The following GPC5 variants were observed in gnomAD, a reference collection of about 807,000 sequenced individuals.
The protein encoded by GPC5 is glypican 5.
In GPC5, 47 loss-of-function variants were observed where a neutral mutation model predicts 53.9. The ratio of observed to expected loss-of-function variants is 0.87; its 90% CI spans 0.69 to 1.11. GPC5 has a LOEUF of 1.11. GPC5 is among the 50% of genes most tolerant of loss of function. The pLI is 0.00. For synonymous variants in GPC5, 286 were observed against 263.3 expected, an observed-to-expected ratio of 1.09 and a Z score of -0.84; for missense variants, 748 against 713.1, an observed-to-expected ratio of 1.05 and a Z score of -0.56.
At chr13:92,741,781 C>T (rs1196589519) in intron 7 of GPC5, among the ~76,000 whole-genome samples, 1 of 152,074 alleles carries the variant, frequency 6.6e-6, no homozygotes, top group Admixed American at 6.6e-5. Context: ...GTTCCCCTTC[C>T]TGTGTCCAAG....
At chr13:92,062,040 A>G (rs2041128389) in intron 6 of GPC5, among the ~76,000 whole-genome samples, 1 of 151,912 alleles carries the variant, frequency 6.6e-6, no homozygotes, top group African/African-American at 2.4e-5. Flanking sequence ...TTTTCTTGTT[A>G]AGAAAATATA....
intron 1 of GPC5, among the ~76,000 whole-genome samples, chr13:91,445,439 C>G (rs1290093615): frequency 6.6e-6 from 1 of 152,074 alleles, no homozygotes; most frequent in Admixed American, 6.6e-5. Context: ...TTGTGCTACT[C>G]AGAACAGCAA....
chr13:91,591,981 AG>A (rs2032817012), intron 2 of GPC5, among the ~76,000 whole-genome samples: 1 of 152,186 alleles, frequency 6.6e-6, no homozygotes, highest in African/African-American at 2.4e-5. Flanking sequence ...CTGGAGAGCT[AG>A]TGGACTTCTT....
chr13:92,154,251 C>A (rs2041927458), intron 7 of GPC5, among the ~76,000 whole-genome samples: 1 of 152,146 alleles, frequency 6.6e-6, no homozygotes, highest in Non-Finnish European at 1.5e-5. Context: ...CATGAGGAAT[C>A]CTTCCCCATG....
chr13:92,074,404 T>C (rs7322610), intron 6 of GPC5, among the ~76,000 whole-genome samples: 78,828 of 151,994 alleles, frequency 0.52, 20,827 homozygotes, highest in East Asian at 0.79. Context: ...CGTGAATTGA[T>C]AGAGATACAG....
rs535148958 is a variant in GPC5 at position 91,944,912 on chromosome 13, C to T, written c.1401+36855C>T. On this transcript the variant is annotated intron_variant, in intron 6 of 7. Coordinates refer to ENST00000377067, the MANE Select transcript of GPC5 (RefSeq NM_004466.6). Reference sequence around the variant, plus strand: ...CCCCATTTTCTGGTGTTAACTTTTGCTATGGAAAACTCTGAGGCCAAAATG... The same window carrying T: ...CCCCATTTTCTGGTGTTAACTTTTGTTATGGAAAACTCTGAGGCCAAAATG... 2.0e-5 allele frequency among the ~76,000 whole-genome samples: 3 copies of T among 152,202 alleles called. No homozygotes were observed. In the South Asian group the frequency reaches 6.2e-4, roughly 32 times the overall value.
intron 6 of GPC5, among the ~76,000 whole-genome samples, chr13:91,993,351 C>T (rs139752071): frequency 1.3e-3 from 199 of 152,058 alleles, no homozygotes; most frequent in African/African-American, 4.7e-3. Flanking sequence ...CTTGAAACTG[C>T]GTATACCTTT....
chr13:91,675,812 G>T (rs1307098707), intron 2 of GPC5, among the ~76,000 whole-genome samples: 1 of 152,216 alleles, frequency 6.6e-6, no homozygotes. Flanking sequence ...GATGGAAGCA[G>T]AGGGCAGGGG....
At chr13:92,319,182 A>T (rs1305628614) in intron 7 of GPC5, among the ~76,000 whole-genome samples, 1 of 152,128 alleles carries the variant, frequency 6.6e-6, no homozygotes, top group African/African-American at 2.4e-5. Flanking sequence ...AGTGGAAATA[A>T]TATCTGTTGT....
At chr13:92,159,512 T>C (rs2041970283) in intron 7 of GPC5, among the ~76,000 whole-genome samples, 3 of 151,216 alleles carry the variant, frequency 2.0e-5, no homozygotes, top group Admixed American at 2.0e-4. Flanking sequence ...CTCTTCCAAA[T>C]CCCTAGATGC....
chr13:92,291,587 T>A (rs553670229), intron 7 of GPC5, among the ~76,000 whole-genome samples: 31 of 152,272 alleles, frequency 2.0e-4, no homozygotes, highest in African/African-American at 6.7e-4. Flanking sequence ...CAGCAGGATG[T>A]GGGTGGGGCC....
intron 4 of GPC5, among the ~76,000 whole-genome samples, chr13:91,751,616 C>T (rs2140110471): frequency 6.6e-6 from 1 of 152,282 alleles, no homozygotes; most frequent in South Asian, 2.1e-4. Flanking sequence ...ATTCTGCCTA[C>T]ATTTTTTCAA....
At chr13:91,999,057 T>C (rs1442173174) in intron 6 of GPC5, among the ~76,000 whole-genome samples, 2 of 152,208 alleles carry the variant, frequency 1.3e-5, no homozygotes, top group Non-Finnish European at 2.9e-5. Flanking sequence ...TTTAAATCCT[T>C]TCTCTTTAAC....
At chr13:92,011,073 C>T (rs755612623) in intron 6 of GPC5, among the ~76,000 whole-genome samples, 2 of 152,096 alleles carry the variant, frequency 1.3e-5, no homozygotes, top group Non-Finnish European at 2.9e-5. Flanking sequence ...TAAAAATACT[C>T]TTTCAATAGA....
intron 7 of GPC5, among the ~76,000 whole-genome samples, chr13:92,860,135 A>G (rs1879131425): frequency 1.3e-5 from 2 of 152,150 alleles, no homozygotes; most frequent in African/African-American, 2.4e-5. Flanking sequence ...CATTTCATTC[A>G]TTGTTTCACT....
chr13:91,851,125 AC>A (rs1304753826), intron 5 of GPC5, among the ~76,000 whole-genome samples: 1 of 152,156 alleles, frequency 6.6e-6, no homozygotes, highest in Non-Finnish European at 1.5e-5. Context: ...CTGAGCTGAT[AC>A]CTGGCAAGTA....
intron 7 of GPC5, among the ~76,000 whole-genome samples, chr13:92,862,217 C>A (rs567887522): frequency 1.4e-4 from 22 of 152,250 alleles, no homozygotes; most frequent in African/African-American, 5.3e-4. Flanking sequence ...TTAATTATAT[C>A]AAACTTCCTA....
At chr13:92,509,841 T>A (rs568281922) in intron 7 of GPC5, 4 of 152,224 alleles carry the variant, frequency 2.6e-5, no homozygotes, top group African/African-American at 9.6e-5. Context: ...AAGAAATGAG[T>A]GTAGAAATGA....
chr13:91,993,075 GTTGA>G (rs1479383906), intron 6 of GPC5, among the ~76,000 whole-genome samples: 11 of 152,230 alleles, frequency 7.2e-5, no homozygotes, highest in African/African-American at 1.4e-4. Flanking sequence ...AATAACTGGC[GTTGA>G]TTATTTGCAC....
Sources: allele counts gnomAD v4.1 joint callset (sites outside exome capture counted in the v4.1 genomes callset), GRCh38; gene constraint gnomAD v4.1.1; transcripts MANE v1.5; gene names NCBI Gene and HGNC (gene_info 2026-07-23, HGNC 2026-07-21).